The following CPED1 variants were observed in gnomAD, a reference collection of about 807,000 sequenced individuals.
The protein encoded by CPED1 is cadherin like and PC-esterase domain containing 1.
CPED1 carries 114 observed loss-of-function variants against 128.2 expected under a neutral mutation model. That is an observed-to-expected ratio of 0.89 (90% CI 0.76 to 1.04). The LOEUF is 1.04. Ranked by LOEUF, CPED1 falls within the 50% of genes least tolerant of loss-of-function variation. The probability of loss-of-function intolerance (pLI) is 0.00; values close to 1 mark genes in which losing one functional copy is unlikely to be tolerated. For synonymous variants in CPED1, 462 were observed against 426.7 expected (o/e 1.08, Z -1.02); for missense variants, 1,211 against 1,207.1 (o/e 1.00, Z -0.05).
At chr7:121,138,335 C>T (rs1275886723) in intron 14 of CPED1, among the ~76,000 whole-genome samples, 2 of 151,998 alleles carry the variant, frequency 1.3e-5, no homozygotes, top group Non-Finnish European at 2.9e-5. Context: ...CTGGGTTCTC[C>T]GTAGATCTCA....
At chr7:121,277,133 A>G (rs1792345899) in intron 22 of CPED1, among the ~76,000 whole-genome samples, 1 of 152,120 alleles carries the variant, frequency 6.6e-6, no homozygotes, top group Non-Finnish European at 1.5e-5. Context: ...TTAAAAAATG[A>G]TATCTATAGA....
intron 22 of CPED1, among the ~76,000 whole-genome samples, chr7:121,294,349 A>T (rs1245224022): frequency 6.6e-6 from 1 of 152,154 alleles, no homozygotes; most frequent in East Asian, 1.9e-4. Context: ...ATACCCTTTT[A>T]TAACTTATGC....
chr7:121,258,599 A>G (rs765202190), intron 18 of CPED1, among the ~76,000 whole-genome samples: 1 of 152,058 alleles, frequency 6.6e-6, no homozygotes, highest in African/African-American at 2.4e-5. Context: ...GCTGTCTTTG[A>G]TTTGCTTTCT....
intron 16 of CPED1, among the ~76,000 whole-genome samples, chr7:121,179,329 C>G (rs1469021345): frequency 1.3e-5 from 2 of 152,026 alleles, no homozygotes; most frequent in Non-Finnish European, 2.9e-5. Flanking sequence ...GAATGAAATA[C>G]AGAGTGATGG....
intron 5 of CPED1, among the ~76,000 whole-genome samples, chr7:121,068,413 T>G (rs1038144407): frequency 1.3e-5 from 2 of 152,032 alleles, no homozygotes; most frequent in South Asian, 4.1e-4. Flanking sequence ...TTGTCAAAGA[T>G]CAGATAGTTG....
chr7:121,179,423 T>G (rs1796853181), intron 16 of CPED1, among the ~76,000 whole-genome samples: 1 of 152,076 alleles, frequency 6.6e-6, no homozygotes, highest in African/African-American at 2.4e-5. Flanking sequence ...GTAATAAATT[T>G]AAAGGGTAGG....
chr7:121,136,091 G>A lies in CPED1; in HGVS notation c.1699+1G>A. The stretch of plus-strand genomic sequence containing the variant: ...AATAAAGAAATACATTGCAGTGATG[G>A]TGAGTTGAGATTAAAGTGTTGTAGC... On this transcript the variant is annotated splice_donor_variant, in intron 14 of 22. Coordinates refer to ENST00000310396, the MANE Select transcript of CPED1 (RefSeq NM_024913.5). LOFTEE classifies it high-confidence loss of function. 1 of 1,548,246 alleles carries A rather than the reference G, an allele frequency of 6.5e-7. No individual in the cohort carries two copies. Among genetic ancestry groups the A allele is most frequent in the East Asian group, 2.5e-5 (1 of 40,686 alleles).
intron 16 of CPED1, among the ~76,000 whole-genome samples, chr7:121,176,773 C>T (rs183637206): frequency 1.9e-3 from 283 of 152,128 alleles, no homozygotes; most frequent in Non-Finnish European, 3.0e-3. Flanking sequence ...GAAAGAGCTG[C>T]GCTAATATAA....
At chr7:121,278,363 C>T (rs562725070) in intron 22 of CPED1, among the ~76,000 whole-genome samples, 2 of 152,078 alleles carry the variant, frequency 1.3e-5, no homozygotes, top group Admixed American at 1.3e-4. Context: ...AGGGTCTCTC[C>T]TTCTCTATCA....
At chr7:121,100,391 CT>C (rs1794820555) in intron 7 of CPED1, among the ~76,000 whole-genome samples, 1 of 152,082 alleles carries the variant, frequency 6.6e-6, no homozygotes, top group Non-Finnish European at 1.5e-5. Flanking sequence ...CTCTGTTTTT[CT>C]TAATTTTTCA....
intron 14 of CPED1, 84 bp downstream of exon 14, chr7:121,136,174 A>T: frequency 3.9e-6 from 5 of 1,281,070 alleles, no homozygotes; most frequent in Non-Finnish European, 5.4e-6. Context: ...TCATTTTATT[A>T]TATGTGGGTA....
chr7:121,037,876 GTAT>G (rs1157314510), intron 3 of CPED1, among the ~76,000 whole-genome samples: 2 of 151,934 alleles, frequency 1.3e-5, no homozygotes, highest in African/African-American at 4.8e-5. Context: ...ATATCCCTGA[GTAT>G]TATTATTATT....
chr7:121,294,721 C>A (rs1474890138), intron 22 of CPED1, among the ~76,000 whole-genome samples: 1 of 150,832 alleles, frequency 6.6e-6, no homozygotes, highest in Non-Finnish European at 1.5e-5. Context: ...AACTGGAAAT[C>A]TTACAGACCT....
intron 16 of CPED1, among the ~76,000 whole-genome samples, chr7:121,200,550 G>A (rs1454476974): frequency 6.6e-6 from 1 of 152,092 alleles, no homozygotes; most frequent in Non-Finnish European, 1.5e-5. Flanking sequence ...TTGGGAATGT[G>A]GGTGTACCTT....
At chr7:121,162,447 A>G (rs914891480) in intron 16 of CPED1, among the ~76,000 whole-genome samples, 1 of 152,250 alleles carries the variant, frequency 6.6e-6, no homozygotes, top group South Asian at 2.1e-4. Context: ...ACATCAGTTC[A>G]TGTCTTCTGA....
At chr7:121,151,968 G>A (rs999881252) in intron 16 of CPED1, among the ~76,000 whole-genome samples, 2 of 152,200 alleles carry the variant, frequency 1.3e-5, no homozygotes, top group African/African-American at 4.8e-5. Flanking sequence ...CTACAGGCTG[G>A]TTTGATATAT....
Position 121,066,311 on chromosome 7 carries a change from T to C in CPED1, c.616+1998T>C, listed in dbSNP as rs531961687. Among the ~76,000 whole-genome samples, 3 of 151,674 alleles carry C rather than the reference T, an allele frequency of 2.0e-5. No individual in the cohort carries two copies. In the South Asian group the frequency reaches 6.2e-4, roughly 31 times the overall value. ...CTTATTCTCTGTGTGACTTCAGGGG[T>C]TTTTTGTTTTTTGTTTTTTTAATCC... On this transcript the variant is annotated intron_variant, in intron 5 of 22. Coordinates refer to ENST00000310396, the MANE Select transcript of CPED1 (RefSeq NM_024913.5).
chr7:121,086,544 A>G (rs192336019), intron 5 of CPED1, among the ~76,000 whole-genome samples: 1 of 152,338 alleles, frequency 6.6e-6, no homozygotes, highest in East Asian at 1.9e-4. Flanking sequence ...GATTTTGAAA[A>G]TCATTTGGGC....
intron 7 of CPED1, 90 bp from the exon 8 acceptor site, chr7:121,124,241 C>T: frequency 7.9e-7 from 1 of 1,266,230 alleles, no homozygotes; most frequent in Non-Finnish European, 1.1e-6. Context: ...TAGAGATAAC[C>T]TAGAACAATC....
Sources: gnomAD v4.1 joint callset for allele counts (sites outside exome capture counted in the v4.1 genomes callset) on GRCh38, gnomAD v4.1.1 for gene constraint, MANE v1.5 for transcripts, NCBI Gene and HGNC (gene_info 2026-07-23, HGNC 2026-07-21) for gene names.